Variants in ACAA1 observed in about 807,000 individuals in gnomAD.
ACAA1 encodes the protein acetyl-CoA acyltransferase 1.
Under a neutral mutation model 48.8 loss-of-function variants are expected in ACAA1, and 44 were observed. The observed-to-expected ratio is 0.90, with a 90% CI of 0.71 to 1.16. The LOEUF (loss-of-function observed/expected upper bound fraction) is 1.16, where lower values mean the gene tolerates loss of function less well. ACAA1 is among the 50% of genes most tolerant of loss of function. ACAA1 has a pLI of 0.00. For missense variants in ACAA1, 512 were observed against 562.3 expected (o/e 0.91, Z 0.90); for synonymous variants, 233 against 226.5 (o/e 1.03, Z -0.26).
In ACAA1 at chr3:38,125,741, C is replaced by T. The variant is rs144462889; in HGVS notation, c.1054-31G>A. 4,055 of 1,613,696 alleles carry T rather than the reference C, an allele frequency of 2.5e-3. 6 individuals are homozygous for T. Among genetic ancestry groups the T allele is most frequent in the Non-Finnish European group, 3.1e-3 (3,700 of 1,179,758 alleles). On this transcript the variant is annotated intron_variant, in intron 10 of 11. Coordinates refer to ENST00000333167, the MANE Select transcript of ACAA1 (RefSeq NM_001607.4). ...AGGAGGCAGATCATCACCTATAGCC[C>T]TCTTACCCCTCCCCTGCACCACCTG...
intron 5 of ACAA1, among the ~76,000 whole-genome samples, chr3:38,131,271 A>T (rs1179152278): frequency 6.6e-6 from 1 of 152,240 alleles, no homozygotes; most frequent in African/African-American, 2.4e-5. Flanking sequence ...CAGCAGCATC[A>T]TGAATCAACA....
rs1164638111 is a variant in ACAA1, at chr3:38,122,777, G to T, written c.*270C>A. 11 of 1,176,246 alleles carry T rather than the reference G, an allele frequency of 9.4e-6. No homozygotes were observed. The highest frequency in any genetic ancestry group is 1.3e-5 in the Non-Finnish European group (11 of 871,410). 72.9% of individuals were successfully genotyped at this position (1,176,246 alleles called of 1,614,324 possible). A position where few individuals can be genotyped will look rare whatever the true frequency, so the allele number is the denominator to read the frequency against. ...CATCCATGGATTTGCCTTGCCTTAA[G>T]AATTAACCATGGCCTTGTGGCCTGG... On this transcript the variant is annotated 3_prime_UTR_variant, in exon 12 of 12. Transcript: ENST00000333167.
chr3:38,135,099 A>G (rs1700864415), intron 2 of ACAA1: 1 of 152,294 alleles, frequency 6.6e-6, no homozygotes, highest in Non-Finnish European at 1.5e-5. Context: ...GTCTGGGTAA[A>G]GAGAAACAAA....
chr3:38,129,142 C>G lies in ACAA1; in HGVS notation c.545+148G>C, dbSNP rs760191488. The G allele has an allele frequency of 3.0e-6, 2 of 664,958 alleles. No homozygotes were observed. Among genetic ancestry groups the G allele is most frequent in the East Asian group, 5.5e-5 (2 of 36,224 alleles). The allele number at this position is 664,958 out of a possible 1,614,324, so 41.2% of individuals were successfully genotyped here. ...ATGGAAGTCAAGGGCAACATCAAGT[C>G]TCATCCCCAAAGTCCCTGCGGAGCA... On this transcript the variant is annotated intron_variant, in intron 6 of 11. Coordinates refer to ENST00000333167, the MANE Select transcript of ACAA1 (RefSeq NM_001607.4). This position sits in a 1 kb window ranked among gnomAD's most constrained non-coding sequence, Gnocchi z 5.3.
chr3:38,127,042 T>C (rs943329501), intron 7 of ACAA1, among the ~76,000 whole-genome samples: 57 of 152,380 alleles, frequency 3.7e-4, no homozygotes, highest in African/African-American at 1.4e-3. Flanking sequence ...TGGGTTCTGC[T>C]AACTTTTCTG....
Position 38,125,755 on chromosome 3 carries a change from C to G in ACAA1, c.1054-45G>C, listed in dbSNP as rs543482153. ...CACCTATAGCCCTCTTACCCCTCCC[C>G]TGCACCACCTGCCCGCTCACTCCAC... is the stretch of plus-strand genomic sequence containing the variant. On this transcript the variant is annotated intron_variant, in intron 10 of 11. Coordinates refer to ENST00000333167, the MANE Select transcript of ACAA1 (RefSeq NM_001607.4). The G allele has an allele frequency of 1.8e-5, 29 of 1,614,062 alleles. No individual in the cohort carries two copies. The East Asian group carries it at 6.5e-4, about 36-fold the overall frequency.
At position 38,125,685 on chromosome 3, in the gene ACAA1, C is replaced by T. The variant is rs897946138; in HGVS notation, c.1079G>A (p.Arg360Gln). The stretch of plus-strand genomic sequence containing the variant: ...GGGGTTCACCTTCTCAGGGGGGAGT[C>T]GTAGCTTCTCCACACAGTAGGCAGC... ...SQAAYCVEKL[R>Q]LPPEKVNPLG... is the part of the protein sequence containing the mutation. Residue 360 changes from arginine to glutamine, a missense_variant, in exon 11 of 12, where the codon CGA becomes CAA. Arg to Gln is a conservative substitution (Grantham distance 43). Transcript: ENST00000333167. 5.0e-6 allele frequency: 8 copies of T among 1,600,572 alleles called. No homozygotes were observed. Among genetic ancestry groups the T allele is most frequent in the South Asian group, 1.1e-5 (1 of 88,864 alleles).
Position 38,129,711 on chromosome 3 carries a change from G to A in ACAA1, c.447-323C>T, listed in dbSNP as rs1310563961. Among the ~76,000 whole-genome samples, 1 of 152,228 alleles carries A rather than the reference G, an allele frequency of 6.6e-6. No individual in the cohort carries two copies. Among genetic ancestry groups the A allele is most frequent in the African/African-American group, 2.4e-5 (1 of 41,456 alleles). Reference sequence around the variant, plus strand: ...AAGCCTTCTGCTGTCAGCCACAGAGGAGGAAACACATCCACAAGCCAGGGC... The same window carrying A: ...AAGCCTTCTGCTGTCAGCCACAGAGAAGGAAACACATCCACAAGCCAGGGC... On this transcript the variant is annotated intron_variant, in intron 5 of 11. Coordinates refer to ENST00000333167, the MANE Select transcript of ACAA1 (RefSeq NM_001607.4). The surrounding 1 kb of genome is among the most constrained non-coding windows in gnomAD (Gnocchi z 5.3).
chr3:38,136,694 G>C lies in ACAA1; in HGVS notation c.172-9C>G, dbSNP rs374322144. On this transcript the variant is annotated splice_polypyrimidine_tract_variant and intron_variant, in intron 1 of 11. Coordinates refer to ENST00000333167, the MANE Select transcript of ACAA1 (RefSeq NM_001607.4). ...TCGTCGGGGGTGGTGTCCTGCAGCA[G>C]AAAGAGCAGCCGCAGTGACCCCCAC... The C allele has an allele frequency of 5.0e-6, 8 of 1,604,730 alleles. No homozygotes were observed. The highest frequency in any genetic ancestry group is 1.7e-5 in the Admixed American group (1 of 59,384).
chr3:38,125,748 C>G (rs768232951), intron 10 of ACAA1, 38 bp from the exon 11 acceptor site: 1 of 1,613,856 alleles, frequency 6.2e-7, no homozygotes, highest in Non-Finnish European at 8.5e-7. Flanking sequence ...GCCCTCTTAC[C>G]CCTCCCCTGC....
Position 38,123,177 on chromosome 3 carries a change from G to A in ACAA1, c.1200-55C>T, listed in dbSNP as rs148925787. Reference sequence around the variant, plus strand: ...AAAGGCACCCACCAAATTACCTCCAGACCAGGCTGACCCAGAAGGACGTCA... The same window carrying A: ...AAAGGCACCCACCAAATTACCTCCAAACCAGGCTGACCCAGAAGGACGTCA... On this transcript the variant is annotated intron_variant, in intron 11 of 11. Coordinates refer to ENST00000333167, the MANE Select transcript of ACAA1 (RefSeq NM_001607.4). 1,141 of 1,536,854 alleles carry A rather than the reference G, an allele frequency of 7.4e-4. 6 individuals are homozygous for A. The Middle Eastern group carries it at 0.021, about 28-fold the overall frequency.
chr3:38,132,079 T>C, intron 3 of ACAA1, 74 bp from the exon 4 acceptor site: 1 of 1,351,810 alleles, frequency 7.4e-7, no homozygotes, highest in Non-Finnish European at 1.0e-6. Context: ...AGTCCTATGC[T>C]TCTAACTGCC....
chr3:38,132,216 G>C lies in ACAA1; in HGVS notation c.324-211C>G, dbSNP rs1344210807. ...CATCTCTGCAGGCACTTGCTCCCCA[G>C]GGCCCCACAAGCACATTCCCTTCTA... On this transcript the variant is annotated intron_variant, in intron 3 of 11. Coordinates refer to ENST00000333167, the MANE Select transcript of ACAA1 (RefSeq NM_001607.4). 4 of 414,182 alleles carry C rather than the reference G, an allele frequency of 9.7e-6. No individual in the cohort carries two copies. In the East Asian group the frequency reaches 1.8e-4, roughly 18 times the overall value. 25.7% of individuals were successfully genotyped at this position (414,182 alleles called of 1,614,324 possible). A position where few individuals can be genotyped will look rare whatever the true frequency, so the allele number is the denominator to read the frequency against.
chr3:38,123,763 G>A (rs540034282), intron 11 of ACAA1: 1 of 152,326 alleles, frequency 6.6e-6, no homozygotes, highest in East Asian at 1.9e-4. Flanking sequence ...AACACTTTGG[G>A]AGGCCGAGGC....
chr3:38,131,855 C>T lies in ACAA1; in HGVS notation c.403+71G>A, dbSNP rs181916852. On this transcript the variant is annotated intron_variant, in intron 4 of 11. Coordinates refer to ENST00000333167, the MANE Select transcript of ACAA1 (RefSeq NM_001607.4). ...TCAGAAATGGTAATTATTGCTTGCC[C>T]GGCAGACAGCGACTTTGCTGACCCA... 109 of 1,452,016 alleles carry T rather than the reference C, an allele frequency of 7.5e-5. No homozygotes were observed. The African/African-American group carries it at 1.3e-3, about 17-fold the overall frequency. 89.9% of individuals were successfully genotyped at this position (1,452,016 alleles called of 1,614,324 possible). A position where few individuals can be genotyped will look rare whatever the true frequency, so the allele number is the denominator to read the frequency against.
chr3:38,136,919 C>G lies in ACAA1; in HGVS notation c.117G>C (p.Val39=). 3.9e-6 allele frequency: 6 copies of G among 1,538,388 alleles called. No homozygotes were observed. The highest frequency in any genetic ancestry group is 4.4e-6 in the Non-Finnish European group (5 of 1,145,182). ...GAPQASAADV[V]VVHGRRTAIC... ...TGGCCGTGCGCCGCCCGTGCACCACCACCACGTCCGCGGCCGAGGCCTGCG... is the reference window on the plus strand; with the variant it reads ...TGGCCGTGCGCCGCCCGTGCACCACGACCACGTCCGCGGCCGAGGCCTGCG... Residue 39 remains valine, a synonymous_variant, in exon 1 of 12, where the codon GTG becomes GTC. Coordinates refer to ENST00000333167, the MANE Select transcript of ACAA1 (RefSeq NM_001607.4).
intron 10 of ACAA1, 50 bp from the exon 11 acceptor site, chr3:38,125,760 C>T (rs1700667060): frequency 5.6e-6 from 9 of 1,613,984 alleles, no homozygotes; most frequent in South Asian, 1.1e-5. Flanking sequence ...CTCCCCTGCA[C>T]CACCTGCCCG....
In ACAA1 at chr3:38,122,896, CA is replaced by C; in HGVS notation, c.*150del. The C allele has an allele frequency of 1.2e-6, 1 of 841,736 alleles. No individual in the cohort carries two copies. Among genetic ancestry groups the C allele is most frequent in the Middle Eastern group, 3.6e-4 (1 of 2,786 alleles). 52.1% of individuals were successfully genotyped at this position (841,736 alleles called of 1,614,324 possible). A position where few individuals can be genotyped will look rare whatever the true frequency, so the allele number is the denominator to read the frequency against. ...TCCTATACCATGTCATCAGTGTTCA[CA>C]TTTTCCAAATGAGTTGAAGTGCCTT... On this transcript the variant is annotated 3_prime_UTR_variant, in exon 12 of 12. Coordinates refer to ENST00000333167, the MANE Select transcript of ACAA1 (RefSeq NM_001607.4).
chr3:38,123,735 G>C (rs1053811503), intron 11 of ACAA1: 39 of 152,370 alleles, frequency 2.6e-4, no homozygotes, highest in African/African-American at 8.7e-4. Context: ...AGGTGTGGTG[G>C]CTCAAACCTG....
Sources: allele counts gnomAD v4.1 joint callset (sites outside exome capture counted in the v4.1 genomes callset), GRCh38; gene constraint gnomAD v4.1.1; non-coding constraint Gnocchi (gnomAD v3.1); transcripts MANE v1.5; gene names NCBI Gene and HGNC (gene_info 2026-07-23, HGNC 2026-07-21).